Variants in VPS50 observed in about 807,000 individuals in gnomAD.
VPS50 encodes syndetin.
In VPS50, 70 loss-of-function variants were observed where a neutral mutation model predicts 139.7. That is an observed-to-expected ratio of 0.50 (90% confidence interval 0.41 to 0.61). VPS50 has a LOEUF of 0.61. Among genes scored for constraint, VPS50 ranks in the 20% least tolerant of loss-of-function variants. The pLI is 0.00. For synonymous variants in VPS50, 365 were observed against 376.7 expected, an observed-to-expected ratio of 0.97 and a Z score of 0.36; for missense variants, 921 against 1,133.7, an observed-to-expected ratio of 0.81 and a Z score of 2.69.
At chr7:93,307,031 A>G (rs1797135558) in intron 18 of VPS50, among the ~76,000 whole-genome samples, 1 of 151,874 alleles carries the variant, frequency 6.6e-6, no homozygotes, top group South Asian at 2.1e-4. Flanking sequence ...GGAATAATAT[A>G]TCTCTCTATA....
intron 17 of VPS50, 32 bp downstream of exon 17, chr7:93,303,582 C>A: frequency 2.1e-6 from 2 of 963,370 alleles, no homozygotes; most frequent in Non-Finnish European, 3.2e-6. Context: ...AGAAATCTGT[C>A]TTTTAGTAAT....
intron 20 of VPS50, among the ~76,000 whole-genome samples, chr7:93,321,737 TA>T (rs1797619570): frequency 6.6e-6 from 1 of 152,236 alleles, no homozygotes. Flanking sequence ...ATTAGGTATA[TA>T]AACGATGGTT....
At chr7:93,298,149 A>AC (rs944867074) in intron 16 of VPS50, among the ~76,000 whole-genome samples, 3 of 152,182 alleles carry the variant, frequency 2.0e-5, no homozygotes, top group African/African-American at 7.2e-5. Flanking sequence ...ATCTCTGTTA[A>AC]TTGTAAACAA....
Position 93,344,615 on chromosome 7 carries a change from A to G in VPS50, c.2207+3040A>G, listed in dbSNP as rs567240000. Among the ~76,000 whole-genome samples, 864 of 151,808 alleles carry G rather than the reference A, an allele frequency of 5.7e-3. 9 individuals carry two copies. The highest frequency in any genetic ancestry group is 0.019 in the African/African-American group (776 of 41,414). On this transcript the variant is annotated intron_variant, in intron 23 of 27. Transcript: ENST00000305866. ...TCCTCAGCAAATGTAAAAGAACAGA[A>G]ATTATAACAAACTATCTCTCAGACC...
At position 93,345,720 on chromosome 7, in the gene VPS50, C is replaced by T. The variant is rs189946843; in HGVS notation, c.2208-2991C>T. Among the ~76,000 whole-genome samples, 662 of 152,250 alleles carry T rather than the reference C, an allele frequency of 4.3e-3. 4 individuals carry two copies. The highest frequency in any genetic ancestry group is 0.015 in the African/African-American group (611 of 41,526). On this transcript the variant is annotated intron_variant, in intron 23 of 27. Coordinates refer to ENST00000305866, the MANE Select transcript of VPS50 (RefSeq NM_017667.4). ...TCCAGCATATAAACAGAAGCAAAGA[C>T]GAAAACCACATGATTATCTCAATAG...
chr7:93,235,526 G>C (rs898766047), intron 1 of VPS50, among the ~76,000 whole-genome samples: 1 of 152,128 alleles, frequency 6.6e-6, no homozygotes, highest in Non-Finnish European at 1.5e-5. Context: ...TTCCACCCTA[G>C]TGGTGGAAGT....
chr7:93,257,229 G>C (rs979552668), intron 5 of VPS50, among the ~76,000 whole-genome samples, 165 bp from the exon 6 acceptor site: 1 of 151,946 alleles, frequency 6.6e-6, no homozygotes, highest in African/African-American at 2.4e-5. Context: ...AAATAATTTT[G>C]TGAAAAATAT....
rs575131100 is a variant in VPS50 at position 93,339,757 on chromosome 7, A to G, written c.2059-1670A>G. 2.0e-5 allele frequency among the ~76,000 whole-genome samples: 3 copies of G among 152,302 alleles called. No individual in the cohort carries two copies. In the East Asian group the frequency reaches 5.8e-4, roughly 29 times the overall value. On this transcript the variant is annotated intron_variant, in intron 22 of 27. Transcript: ENST00000305866. ...GTTTAGCATCTCTTCTAACTCTGTC[A>G]TTCTATGATTCAATCAACATTTTAA...
chr7:93,277,428 C>G (rs1283081091), intron 12 of VPS50, among the ~76,000 whole-genome samples: 1 of 152,138 alleles, frequency 6.6e-6, no homozygotes, highest in Non-Finnish European at 1.5e-5. Context: ...TATAACACTT[C>G]TAGTAAGTAG....
At chr7:93,271,133 T>C (rs1340462802) in intron 9 of VPS50, 87 bp from the exon 10 acceptor site, 2 of 1,501,038 alleles carry the variant, frequency 1.3e-6, no homozygotes, top group Non-Finnish European at 1.8e-6. Context: ...TTTGAATTTA[T>C]GGATTAATTA....
chr7:93,322,767 T>C (rs1228660199), intron 20 of VPS50, among the ~76,000 whole-genome samples: 2 of 152,168 alleles, frequency 1.3e-5, no homozygotes, highest in African/African-American at 4.8e-5. Context: ...TATGCTTCTT[T>C]TCCTCTTATT....
At chr7:93,255,181 T>C (rs1053132659) in intron 4 of VPS50, among the ~76,000 whole-genome samples, 1 of 152,222 alleles carries the variant, frequency 6.6e-6, no homozygotes, top group Non-Finnish European at 1.5e-5. Context: ...TAATATATAA[T>C]GAAATAATTA....
Position 93,342,343 on chromosome 7 carries a change from G to C in VPS50, c.2207+768G>C, listed in dbSNP as rs778938674. ...GAGGGTCCCATGCCCACGAAGTCTC[G>C]CTGATTGCTAGCACAGCAGTCTGAG... is the stretch of plus-strand genomic sequence containing the variant. On this transcript the variant is annotated intron_variant, in intron 23 of 27. Coordinates refer to ENST00000305866, the MANE Select transcript of VPS50 (RefSeq NM_017667.4). 2.0e-5 allele frequency among the ~76,000 whole-genome samples: 3 copies of C among 152,170 alleles called. No homozygotes were observed. The South Asian group carries it at 6.2e-4, about 32-fold the overall frequency.
chr7:93,330,472 G>A (rs1038911145), intron 21 of VPS50, among the ~76,000 whole-genome samples: 8 of 152,064 alleles, frequency 5.3e-5, no homozygotes, highest in African/African-American at 1.9e-4. Flanking sequence ...ATAAAAAATA[G>A]GCTAGGCATG....
At chr7:93,350,466 CTG>C (rs760393958) in intron 25 of VPS50, among the ~76,000 whole-genome samples, 14 of 151,638 alleles carry the variant, frequency 9.2e-5, no homozygotes, top group Non-Finnish European at 1.3e-4. Context: ...AGCCAATGAC[CTG>C]TGTTTATATG....
At chr7:93,350,059 C>T (rs771793991) in intron 25 of VPS50, 26 bp downstream of exon 25, 6 of 1,560,900 alleles carry the variant, frequency 3.8e-6, no homozygotes, top group Middle Eastern at 3.4e-4. Context: ...AGCACCTGTG[C>T]TAAAGATCAA....
chr7:93,339,596 T>A (rs1240124085), intron 22 of VPS50, among the ~76,000 whole-genome samples: 1 of 152,206 alleles, frequency 6.6e-6, no homozygotes, highest in Non-Finnish European at 1.5e-5. Context: ...AAAGCTATTT[T>A]ATTTGCATTT....
chr7:93,285,078 C>T (rs1796443856), intron 12 of VPS50, among the ~76,000 whole-genome samples: 2 of 152,182 alleles, frequency 1.3e-5, no homozygotes, highest in African/African-American at 4.8e-5. Flanking sequence ...CTCAGATAAG[C>T]AGGATTCTCC....
chr7:93,271,111 A>C (rs375559424), intron 9 of VPS50, 109 bp from the exon 10 acceptor site: 1 of 1,444,908 alleles, frequency 6.9e-7, no homozygotes, highest in African/African-American at 1.5e-5. Context: ...CTTACGATCT[A>C]TACTCTTAAT....
Sources: gnomAD v4.1 joint callset for allele counts (sites outside exome capture counted in the v4.1 genomes callset) on GRCh38, gnomAD v4.1.1 for gene constraint, MANE v1.5 for transcripts, NCBI Gene and HGNC (gene_info 2026-07-23, HGNC 2026-07-21) for gene names.